The following SAMD5 variants were observed in gnomAD, a reference collection of about 807,000 sequenced individuals.
SAMD5 encodes the protein sterile alpha motif domain containing 5.
Under a neutral mutation model 11.3 loss-of-function variants are expected in SAMD5, and 13 were observed. The ratio of observed to expected loss-of-function variants is 1.15; its 90% CI spans 0.75 to 1.83. SAMD5 has a LOEUF of 1.83. SAMD5 is among the 40% of genes most tolerant of loss of function. SAMD5 has a pLI of 0.00. For synonymous variants in SAMD5, 129 were observed against 111.3 expected (o/e 1.16, Z -1.00); for missense variants, 255 against 239.1 (o/e 1.07, Z -0.44).
chr6:147,574,789 A>C (rs951097041), downstream of SAMD5, among the ~76,000 whole-genome samples: 1 of 152,114 alleles, frequency 6.6e-6, no homozygotes, highest in Non-Finnish European at 1.5e-5. Context: ...ACTTAATACC[A>C]TTACTGAGGG....
chr6:147,907,448 ACTT>A, the SAMD5 span, among the ~76,000 whole-genome samples: 71,332 of 151,602 alleles, frequency 0.47, 17,593 homozygotes, highest in African/African-American at 0.63. Flanking sequence ...TTTTGCCATT[ACTT>A]ATTTTAATGG....
the SAMD5 span, among the ~76,000 whole-genome samples, chr6:147,863,586 G>A: frequency 2.6e-5 from 4 of 151,880 alleles, no homozygotes; most frequent in Admixed American, 6.6e-5. Context: ...CATCTTCCCC[G>A]ACCCCCTTTT....
intron 1 of SAMD5, among the ~76,000 whole-genome samples, chr6:147,589,039 C>A (rs996492540): frequency 3.3e-5 from 5 of 151,742 alleles, no homozygotes; most frequent in Non-Finnish European, 7.4e-5. Flanking sequence ...TTCACTGCAG[C>A]CTTGACCTCC....
the SAMD5 span, among the ~76,000 whole-genome samples, chr6:147,782,922 G>A: frequency 2.0e-5 from 3 of 152,220 alleles, no homozygotes; most frequent in Admixed American, 2.0e-4. Context: ...TTTTATTCTA[G>A]CTGGTTATTT....
the SAMD5 span, among the ~76,000 whole-genome samples, chr6:147,944,499 C>T: frequency 2.0e-5 from 3 of 152,140 alleles, no homozygotes; most frequent in African/African-American, 4.8e-5. Context: ...CAATTACCTC[C>T]CACCGGTTTC....
At chr6:147,829,995 G>T in the SAMD5 span, among the ~76,000 whole-genome samples, 1 of 152,164 alleles carries the variant, frequency 6.6e-6, no homozygotes, top group Non-Finnish European at 1.5e-5. Context: ...TTTCAAGCAT[G>T]AGAGAAGCAT....
At chr6:147,801,450 C>T in the SAMD5 span, among the ~76,000 whole-genome samples, 1 of 152,018 alleles carries the variant, frequency 6.6e-6, no homozygotes, top group Admixed American at 6.6e-5. Context: ...CAGAGGTAAA[C>T]ACAGGAACCA....
At chr6:147,590,486 C>T (rs1194131295) in intron 1 of SAMD5, among the ~76,000 whole-genome samples, 3 of 152,152 alleles carry the variant, frequency 2.0e-5, no homozygotes, top group Non-Finnish European at 4.4e-5. Context: ...GATCTCAGCT[C>T]ACTGCAACCT....
chr6:147,817,358 T>C, the SAMD5 span, among the ~76,000 whole-genome samples: 2 of 152,242 alleles, frequency 1.3e-5, no homozygotes, highest in African/African-American at 4.8e-5. Flanking sequence ...ATCTGACAAC[T>C]TCCTGATAGT....
intron 1 of SAMD5, among the ~76,000 whole-genome samples, chr6:147,640,364 G>C (rs1242386977): frequency 6.6e-6 from 1 of 151,280 alleles, no homozygotes; most frequent in African/African-American, 2.4e-5. Context: ...GGGTGTGGTG[G>C]TGTACACCTG....
chr6:147,529,631 T>C (rs888917392), intron 1 of SAMD5, among the ~76,000 whole-genome samples: 1 of 152,204 alleles, frequency 6.6e-6, no homozygotes, highest in Non-Finnish European at 1.5e-5. Context: ...ACATAGAAAA[T>C]GCTGAATAAA....
chr6:147,574,122 T>C (rs1268728861), downstream of SAMD5, among the ~76,000 whole-genome samples: 8 of 139,710 alleles, frequency 5.7e-5, no homozygotes, highest in African/African-American at 1.0e-4. Flanking sequence ...AGCGAGACTG[T>C]GTCTCAAAAA....
intron 1 of SAMD5, among the ~76,000 whole-genome samples, chr6:147,710,661 TGTTA>T (rs1304905337): frequency 3.3e-5 from 5 of 152,216 alleles, no homozygotes; most frequent in Non-Finnish European, 5.9e-5. Flanking sequence ...TTGCTATAAT[TGTTA>T]GTTGTTCTAT....
chr6:147,710,618 G>T (rs1791384930), intron 1 of SAMD5, among the ~76,000 whole-genome samples: 1 of 152,116 alleles, frequency 6.6e-6, no homozygotes, highest in Non-Finnish European at 1.5e-5. Context: ...TTTAATAATG[G>T]CCCCAAAGTG....
the SAMD5 span, among the ~76,000 whole-genome samples, chr6:147,901,116 C>T: frequency 6.6e-6 from 1 of 152,076 alleles, no homozygotes; most frequent in Non-Finnish European, 1.5e-5. Context: ...CTCTGTGCCT[C>T]AATTTTTTCA....
At chr6:147,635,793 A>G (rs1790221990) in intron 1 of SAMD5, among the ~76,000 whole-genome samples, 1 of 152,192 alleles carries the variant, frequency 6.6e-6, no homozygotes, top group African/African-American at 2.4e-5. Context: ...CTTAGAATGA[A>G]TACGTATGGA....
chr6:147,894,383 A>G, the SAMD5 span, among the ~76,000 whole-genome samples: 7 of 152,182 alleles, frequency 4.6e-5, no homozygotes, highest in South Asian at 8.3e-4. Context: ...CGGCCTCCCA[A>G]AGTGCTGGGA....
chr6:147,820,326 A>G, the SAMD5 span, among the ~76,000 whole-genome samples: 2 of 152,214 alleles, frequency 1.3e-5, no homozygotes, highest in African/African-American at 4.8e-5. Context: ...AAATTAAATG[A>G]TGATATCTAT....
downstream of SAMD5, among the ~76,000 whole-genome samples, chr6:147,573,702 G>A (rs1789171854): frequency 6.6e-6 from 1 of 152,148 alleles, no homozygotes; most frequent in Admixed American, 6.6e-5. Flanking sequence ...TAATGATAGA[G>A]GATTTTGTAT....
Sources: allele counts gnomAD v4.1 joint callset (sites outside exome capture counted in the v4.1 genomes callset), GRCh38; gene constraint gnomAD v4.1.1; transcripts MANE v1.5; gene names NCBI Gene and HGNC (gene_info 2026-07-23, HGNC 2026-07-21).